OR7D2: variants seen among roughly 807,000 people sequenced by gnomAD.
The protein encoded by OR7D2 is olfactory receptor 7D2.
For synonymous variants in OR7D2, 158 were observed against 158.7 expected, an observed-to-expected ratio of 1.00 and a Z score of 0.03; for missense variants, 370 against 384.1, an observed-to-expected ratio of 0.96 and a Z score of 0.31.
chr19:9,182,947 T>C, intron 2 of OR7D2: 1 of 457,618 alleles, frequency 2.2e-6, no homozygotes, highest in Non-Finnish European at 4.3e-6. Flanking sequence ...TTAATGCACG[T>C]TCTTTTTTGA....
rs1020632978 is a variant in OR7D2, at chr19:9,187,946, G to A, written c.*1226G>A. ...CACTCATTGGTTGATGGGCACTTAG[G>A]TTGGTTCCATGCCTTTGTAATTGCT... On this transcript the variant is annotated 3_prime_UTR_variant, in exon 3 of 3. Transcript: ENST00000641288. 1 of 166,582 alleles carries A rather than the reference G, an allele frequency of 6.0e-6. No individual in the cohort carries two copies. The highest frequency in any genetic ancestry group is 2.4e-5 in the African/African-American group (1 of 41,416). The allele number at this position is 166,582 out of a possible 1,614,324, so 10.3% of individuals were successfully genotyped here.
At chr19:9,181,807 C>G (rs1052796645) in intron 2 of OR7D2, among the ~76,000 whole-genome samples, 10 of 152,106 alleles carry the variant, frequency 6.6e-5, no homozygotes, top group African/African-American at 2.4e-4. Context: ...AGATATTGTG[C>G]CCCTCAAGCT....
At chr19:9,185,660 T>C (rs369293495) in intron 2 of OR7D2, 109 bp from the exon 3 acceptor site, 3 of 622,986 alleles carry the variant, frequency 4.8e-6, no homozygotes, top group Non-Finnish European at 8.4e-6. Context: ...CATAGCTCCC[T>C]GCAGTTGCAA....
chr19:9,179,833 G>C (rs1475024651), intron 1 of OR7D2, among the ~76,000 whole-genome samples: 5 of 151,480 alleles, frequency 3.3e-5, no homozygotes, highest in African/African-American at 7.3e-5. Context: ...GTGAAACCCT[G>C]TCTCTACTAA....
At chr19:9,184,035 T>G (rs1308048643) in intron 2 of OR7D2, among the ~76,000 whole-genome samples, 1 of 141,412 alleles carries the variant, frequency 7.1e-6, no homozygotes, top group Non-Finnish European at 1.5e-5. Context: ...GAACCCCTTG[T>G]GCCCTGTCGG....
At chr19:9,183,107 C>G (rs2051002909) in intron 2 of OR7D2, 1 of 266,488 alleles carries the variant, frequency 3.8e-6, no homozygotes, top group South Asian at 3.7e-5. Flanking sequence ...TCTCGTCAGG[C>G]CCACAGCCAG....
intron 2 of OR7D2, among the ~76,000 whole-genome samples, chr19:9,185,327 AATT>A (rs2051022433): frequency 1.3e-5 from 2 of 151,822 alleles, no homozygotes; most frequent in South Asian, 2.1e-4. Flanking sequence ...ATTTTTAAAT[AATT>A]AAATATATGG....
At chr19:9,180,448 G>A (rs924752096) in intron 1 of OR7D2, among the ~76,000 whole-genome samples, 7 of 152,042 alleles carry the variant, frequency 4.6e-5, no homozygotes, top group Non-Finnish European at 1.5e-5. Flanking sequence ...TTTAGCTTAT[G>A]TTAAAACCAT....
chr19:9,180,507 AC>A (rs1234907160), intron 1 of OR7D2, among the ~76,000 whole-genome samples, 190 bp from the exon 2 acceptor site: 5 of 152,126 alleles, frequency 3.3e-5, no homozygotes, highest in African/African-American at 1.2e-4. Flanking sequence ...TTGTTATCTG[AC>A]TTGCCGATAT....
Position 9,186,594 on chromosome 19 carries a change from C to G in OR7D2, c.813C>G (p.Ile271Met). 1 of 1,611,942 alleles carries G rather than the reference C, an allele frequency of 6.2e-7. No individual in the cohort carries two copies. Among genetic ancestry groups the G allele is most frequent in the Non-Finnish European group, 8.5e-7 (1 of 1,179,268 alleles). ...TSAVTHSSQK[I>M]SVASVMYTVV... Reference sequence around the variant, plus strand: ...CGGTGACTCACTCTTCCCAGAAAATCTCCGTGGCCTCGGTGATGTACACTG... The same window carrying G: ...CGGTGACTCACTCTTCCCAGAAAATGTCCGTGGCCTCGGTGATGTACACTG... Residue 271 changes from isoleucine (I) to methionine (M), a missense_variant, in exon 3 of 3, where the codon ATC (isoleucine) becomes ATG (methionine). Ile to Met is a conservative substitution (Grantham distance 10). Transcript: ENST00000641288.
intron 2 of OR7D2, among the ~76,000 whole-genome samples, chr19:9,184,321 C>A (rs1316775894): frequency 6.6e-6 from 1 of 151,740 alleles, no homozygotes; most frequent in Non-Finnish European, 1.5e-5. Flanking sequence ...GGCTGAGGCA[C>A]AAGAATCGCT....
In OR7D2 at chr19:9,178,987, A is replaced by G. The variant is rs2050972221; in HGVS notation, c.-241A>G. ...TGGACAGTTTCCTGACGCCACACTC[A>G]TGCATCTTAGAGAGGAGAGTTAGGA... On this transcript the variant is annotated 5_prime_UTR_variant, in exon 1 of 3. The change abolishes an upstream ATG in the 5' untranslated region. Coordinates refer to ENST00000641288, the MANE Select transcript of OR7D2 (RefSeq NM_175883.4). 1 of 152,276 alleles carries G rather than the reference A, an allele frequency of 6.6e-6. No individual in the cohort carries two copies. The highest frequency in any genetic ancestry group is 1.5e-5 in the Non-Finnish European group (1 of 68,086). 9.4% of individuals were successfully genotyped at this position (152,276 alleles called of 1,614,324 possible).
In OR7D2 at chr19:9,186,748, G is replaced by A; in HGVS notation, c.*28G>A. The A allele has an allele frequency of 6.8e-7, 1 of 1,470,114 alleles. No homozygotes were observed. Among genetic ancestry groups the A allele is most frequent in the African/African-American group, 1.4e-5 (1 of 70,354 alleles). The allele number at this position is 1,470,114 out of a possible 1,614,324, so 91.1% of individuals were successfully genotyped here. On this transcript the variant is annotated 3_prime_UTR_variant, in exon 3 of 3. Coordinates refer to ENST00000641288, the MANE Select transcript of OR7D2 (RefSeq NM_175883.4). ...GATCCCTTGGCCCCAGGACTAAGAA[G>A]TTTTGTGAGCACCAATGGCAAAAAT...
rs970613165 is a variant in OR7D2, at chr19:9,188,789, A to G, written c.*2069A>G. ...TGTTTATTTGTTTTCCTACTGGATG[A>G]AGTATGATTAAAATACGTATTTAAA... On this transcript the variant is annotated 3_prime_UTR_variant, in exon 3 of 3. Coordinates refer to ENST00000641288, the MANE Select transcript of OR7D2 (RefSeq NM_175883.4). 1.8e-5 allele frequency: 3 copies of G among 167,162 alleles called. No homozygotes were observed. The highest frequency in any genetic ancestry group is 7.2e-5 in the African/African-American group (3 of 41,572). The allele number at this position is 167,162 out of a possible 1,614,324, so 10.4% of individuals were successfully genotyped here. A position where few individuals can be genotyped will look rare whatever the true frequency, so the allele number is the denominator to read the frequency against.
chr19:9,182,677 G>A (rs944246676), intron 2 of OR7D2, among the ~76,000 whole-genome samples: 1 of 151,876 alleles, frequency 6.6e-6, no homozygotes, highest in Admixed American at 6.6e-5. Context: ...CCGCCACCAC[G>A]CCTGGCTAAT....
At chr19:9,181,855 G>GT (rs200190450) in intron 2 of OR7D2, among the ~76,000 whole-genome samples, 1,639 of 152,200 alleles carry the variant, frequency 0.011, 20 homozygotes, top group Non-Finnish European at 0.016. Context: ...AAAGTTCTGC[G>GT]TCTTTGGCAG....
In OR7D2 at chr19:9,186,297, T is replaced by C; in HGVS notation, c.516T>C (p.Phe172=). 6.2e-7 allele frequency: 1 copy of C among 1,614,174 alleles called. No homozygotes were observed. Among genetic ancestry groups the C allele is most frequent in the Non-Finnish European group, 8.5e-7 (1 of 1,180,032 alleles). Residue 172 remains phenylalanine (F), a synonymous_variant, in exon 3 of 3, where the codon TTT becomes TTC. Transcript: ENST00000641288. ...LMMHLIFCKD[F]EIPHFFCELT... is the part of the protein sequence containing the mutation. The stretch of plus-strand genomic sequence containing the variant: ...TGCATCTAATCTTCTGTAAAGATTT[T>C]GAAATTCCACATTTTTTCTGCGAAC...
At position 9,185,806 on chromosome 19, in the gene OR7D2, T is replaced by A; in HGVS notation, c.25T>A (p.Phe9Ile). Residue 9 changes from phenylalanine (F) to isoleucine (I), a missense_variant, in exon 3 of 3, where the codon TTT (phenylalanine) becomes ATT (isoleucine). Coordinates refer to ENST00000641288, the MANE Select transcript of OR7D2 (RefSeq NM_175883.4). ...CATGGAAGCAGGAAACCAAACAGGATTTTTAGAGTTTATCCTTCTCGGACT... is the reference window on the plus strand; with the variant it reads ...CATGGAAGCAGGAAACCAAACAGGAATTTTAGAGTTTATCCTTCTCGGACT... MEAGNQTG[F>I]LEFILLGLSE... 3 of 1,585,558 alleles carry A rather than the reference T, an allele frequency of 1.9e-6. No homozygotes were observed. Among genetic ancestry groups the A allele is most frequent in the African/African-American group, 2.7e-5 (2 of 74,342 alleles).
At chr19:9,182,462 A>C (rs931989203) in intron 2 of OR7D2, 2 of 299,078 alleles carry the variant, frequency 6.7e-6, no homozygotes, top group Non-Finnish European at 1.3e-5. Context: ...TAGCGTAGCG[A>C]ACCTTGTACA....
Sources: gnomAD v4.1 joint callset for allele counts (sites outside exome capture counted in the v4.1 genomes callset) on GRCh38, gnomAD v4.1.1 for gene constraint, MANE v1.5 for transcripts, NCBI Gene and HGNC (gene_info 2026-07-23, HGNC 2026-07-21) for gene names.